ZFC3H1: variants seen among roughly 807,000 people sequenced by gnomAD.
ZFC3H1 encodes zinc finger C3H1 domain-containing protein.
ZFC3H1 carries 71 observed loss-of-function variants against 243.7 expected under a neutral mutation model. That is an observed-to-expected ratio of 0.29 (90% CI 0.24 to 0.36). ZFC3H1 has a LOEUF of 0.36. Ranked by LOEUF, ZFC3H1 falls within the 10% of genes least tolerant of loss-of-function variation. ZFC3H1 has a pLI of 1.00. For missense variants in ZFC3H1, 1,966 were observed against 2,317.1 expected (o/e 0.85, Z 3.11); for synonymous variants, 838 against 813.0 (o/e 1.03, Z -0.52).
chr12:71,663,302 G>C lies in ZFC3H1; in HGVS notation c.309C>G (p.Ser103Arg). The change falls in exon 1 of 35, where the codon AGC becomes AGG. Residue 103 changes from serine to arginine, a missense_variant. Transcript: ENST00000378743. ...SERGHLRGPS[S>R]YRPKEPFRSH... ...ACCGGAACGGTTCTTTGGGTCGGTA[G>C]CTGCTGGGTCCCCTGAGGTGGCCCC... is the stretch of plus-strand genomic sequence containing the variant. 1 of 1,613,460 alleles carries C rather than the reference G, an allele frequency of 6.2e-7. No homozygotes were observed. The highest frequency in any genetic ancestry group is 8.5e-7 in the Non-Finnish European group (1 of 1,180,042).
intron 1 of ZFC3H1, among the ~76,000 whole-genome samples, chr12:71,661,192 A>G (rs951220211): frequency 1.8e-4 from 27 of 151,664 alleles, no homozygotes; most frequent in African/African-American, 6.3e-4. Flanking sequence ...AGTCCCAGCT[A>G]CTCGGGAGAC....
intron 19 of ZFC3H1, 43 bp downstream of exon 19, chr12:71,629,563 ACAC>A: frequency 9.8e-7 from 1 of 1,025,052 alleles, no homozygotes; most frequent in Non-Finnish European, 1.5e-6. Context: ...CAGTACACAC[ACAC>A]ACACACACAC....
intron 20 of ZFC3H1, 46 bp from the exon 21 acceptor site, chr12:71,627,980 A>G (rs368983475): frequency 1.7e-5 from 26 of 1,551,632 alleles, no homozygotes; most frequent in Non-Finnish European, 2.2e-5. Context: ...TCTTTAGTCC[A>G]CAGATGCAAG....
intron 26 of ZFC3H1, 38 bp from the exon 27 acceptor site, chr12:71,619,447 T>C (rs754159119): frequency 6.4e-7 from 1 of 1,573,324 alleles, no homozygotes; most frequent in Non-Finnish European, 8.7e-7. Context: ...ATATCAGGCT[T>C]ACAATGTTTA....
rs141082543 is a variant in ZFC3H1 at position 71,625,353 on chromosome 12, T to C, written c.4317+907A>G. ...TAAAAGTTCAGGTGAATATTTATTTTATTTCTCAAGTGGATCAATTATAAT... is the reference window on the plus strand; with the variant it reads ...TAAAAGTTCAGGTGAATATTTATTTCATTTCTCAAGTGGATCAATTATAAT... On this transcript the variant is annotated intron_variant, in intron 22 of 34. Transcript: ENST00000378743. 1.6e-3 allele frequency among the ~76,000 whole-genome samples: 246 copies of C among 152,336 alleles called. 1 individual carries two copies. The highest frequency in any genetic ancestry group is 5.7e-3 in the African/African-American group (238 of 41,580).
intron 2 of ZFC3H1, among the ~76,000 whole-genome samples, chr12:71,650,979 TC>T (rs1301190199): frequency 6.6e-6 from 1 of 152,178 alleles, no homozygotes; most frequent in Non-Finnish European, 1.5e-5. Context: ...TCCTTGTTAT[TC>T]CCCAAACATG....
intron 19 of ZFC3H1, among the ~76,000 whole-genome samples, chr12:71,629,354 A>T (rs1880255780): frequency 6.6e-6 from 1 of 151,936 alleles, no homozygotes; most frequent in Non-Finnish European, 1.5e-5. Flanking sequence ...TTTAGTAGAG[A>T]CGGGGTTTCA....
Position 71,630,505 on chromosome 12 carries a change from TAGTA to T in ZFC3H1, c.3724+91_3724+94del, listed in dbSNP as rs976301371. 12 of 1,442,032 alleles carry T rather than the reference TAGTA, an allele frequency of 8.3e-6. No individual in the cohort carries two copies. The African/African-American group carries it at 1.4e-4, about 17-fold the overall frequency. The allele number at this position is 1,442,032 out of a possible 1,614,324, so 89.3% of individuals were successfully genotyped here. The stretch of plus-strand genomic sequence containing the variant: ...TATTATGGGTAAATACACTGAATTA[TAGTA>T]AGTATTTTACAATGTCAACAACTAA... On this transcript the variant is annotated intron_variant, in intron 18 of 34. Coordinates refer to ENST00000378743, the MANE Select transcript of ZFC3H1 (RefSeq NM_144982.5).
intron 22 of ZFC3H1, 32 bp downstream of exon 22, chr12:71,626,228 A>ACAC (rs1301631287): frequency 6.2e-7 from 1 of 1,607,432 alleles, no homozygotes; most frequent in Admixed American, 1.7e-5. Flanking sequence ...ACACACACAC[A>ACAC]CACACACACG....
chr12:71,623,330 G>T, intron 24 of ZFC3H1, 30 bp downstream of exon 24: 1 of 1,520,490 alleles, frequency 6.6e-7, no homozygotes, highest in South Asian at 1.3e-5. Context: ...TATAACAGTT[G>T]ATATTACAAT....
chr12:71,619,546 T>C, intron 26 of ZFC3H1, 137 bp from the exon 27 acceptor site: 1 of 716,092 alleles, frequency 1.4e-6, no homozygotes, highest in Non-Finnish European at 2.3e-6. Flanking sequence ...AGGGGATAAG[T>C]TTGAGACATA....
At chr12:71,623,072 A>T (rs966089687) in intron 24 of ZFC3H1, among the ~76,000 whole-genome samples, 1 of 151,962 alleles carries the variant, frequency 6.6e-6, no homozygotes, top group African/African-American at 2.4e-5. Flanking sequence ...TAATCAATTC[A>T]TCAAACTTAC....
chr12:71,658,421 T>C (rs1881078584), intron 1 of ZFC3H1, among the ~76,000 whole-genome samples: 1 of 151,704 alleles, frequency 6.6e-6, no homozygotes, highest in Admixed American at 6.6e-5. Flanking sequence ...CCTGAGTAGC[T>C]TGGATTACAG....
chr12:71,653,510 A>T (rs1880941748), intron 2 of ZFC3H1, among the ~76,000 whole-genome samples: 1 of 152,250 alleles, frequency 6.6e-6, no homozygotes, highest in Non-Finnish European at 1.5e-5. Flanking sequence ...TGCAAGATCC[A>T]ATCCAGATTC....
chr12:71,660,412 C>CT (rs1491517422), intron 1 of ZFC3H1: 1 of 152,090 alleles, frequency 6.6e-6, no homozygotes, highest in Non-Finnish European at 1.5e-5. Context: ...AACAAGCATC[C>CT]TTTTAAGTGC....
At chr12:71,625,233 G>A (rs1289613908) in intron 22 of ZFC3H1, among the ~76,000 whole-genome samples, 2 of 152,164 alleles carry the variant, frequency 1.3e-5, no homozygotes, top group East Asian at 3.9e-4. Flanking sequence ...AATCTATTTG[G>A]TTCACAACTT....
chr12:71,629,877 T>C (rs1319153376), intron 18 of ZFC3H1, among the ~76,000 whole-genome samples, 167 bp from the exon 19 acceptor site: 2 of 151,294 alleles, frequency 1.3e-5, no homozygotes, highest in Non-Finnish European at 2.9e-5. Flanking sequence ...TTAACTACTA[T>C]GGCAAATCCT....
At position 71,629,597 on chromosome 12, in the gene ZFC3H1, A is replaced by C. The variant is rs753681781; in HGVS notation, c.3826+12T>G. 8.0e-6 allele frequency: 12 copies of C among 1,506,944 alleles called. No homozygotes were observed. The highest frequency in any genetic ancestry group is 4.6e-6 in the Non-Finnish European group (5 of 1,084,364). The allele number at this position is 1,506,944 out of a possible 1,614,324, so 93.3% of individuals were successfully genotyped here. On this transcript the variant is annotated intron_variant, in intron 19 of 34. Transcript: ENST00000378743. ...CACACACACACACACACACACTTAT[A>C]TATGTACTTACTATGACCTTTACTT...
At chr12:71,627,991 A>G in intron 20 of ZFC3H1, 57 bp from the exon 21 acceptor site, 1 of 1,518,798 alleles carries the variant, frequency 6.6e-7, no homozygotes, top group East Asian at 2.3e-5. Flanking sequence ...CAGATGCAAG[A>G]AAAAGAAAAC....
Sources: gnomAD v4.1 joint callset for allele counts (sites outside exome capture counted in the v4.1 genomes callset) on GRCh38, gnomAD v4.1.1 for gene constraint, MANE v1.5 for transcripts, NCBI Gene and HGNC (gene_info 2026-07-23, HGNC 2026-07-21) for gene names.